The following CAMK1D variants were observed in gnomAD, a reference collection of about 807,000 sequenced individuals.
The protein encoded by CAMK1D is calcium/calmodulin dependent protein kinase ID.
In CAMK1D, 9 loss-of-function variants were observed where a neutral mutation model predicts 47.7. The ratio of observed to expected loss-of-function variants is 0.19; its 90% CI spans 0.11 to 0.33. CAMK1D has a LOEUF of 0.33. Ranked by LOEUF, CAMK1D falls within the 10% of genes least tolerant of loss-of-function variation. CAMK1D has a pLI of 1.00. For synonymous variants in CAMK1D, 184 were observed against 184.9 expected (o/e 0.99, Z 0.04); for missense variants, 291 against 488.7 (o/e 0.60, Z 3.81).
chr10:12,762,809 C>A (rs373145054), intron 4 of CAMK1D, among the ~76,000 whole-genome samples: 1 of 152,178 alleles, frequency 6.6e-6, no homozygotes, highest in Admixed American at 6.5e-5. Context: ...GGGGCTAGCT[C>A]AGCCGACCTG....
At position 12,733,020 on chromosome 10, in the gene CAMK1D, C is replaced by T. The variant is rs192738740; in HGVS notation, c.300-27928C>T. On this transcript the variant is annotated intron_variant, in intron 3 of 10. Coordinates refer to ENST00000619168, the MANE Select transcript of CAMK1D (RefSeq NM_153498.4). Reference sequence around the variant, plus strand: ...AGATAATGTACAAAAAAATGTTAAGCATGCTTCCCAGCATATAGCAATTAC... The same window carrying T: ...AGATAATGTACAAAAAAATGTTAAGTATGCTTCCCAGCATATAGCAATTAC... Among the ~76,000 whole-genome samples the T allele has an allele frequency of 2.0e-3, 302 of 152,316 alleles. 2 individuals carry two copies. Among genetic ancestry groups the T allele is most frequent in the African/African-American group, 6.8e-3 (281 of 41,566 alleles).
At chr10:12,773,769 C>G (rs1305218610) in intron 5 of CAMK1D, among the ~76,000 whole-genome samples, 4 of 152,174 alleles carry the variant, frequency 2.6e-5, no homozygotes, top group Non-Finnish European at 5.9e-5. Flanking sequence ...TGGCAGGCGC[C>G]TGTAATCCCA....
In CAMK1D at chr10:12,693,712, C is replaced by T. The variant is rs114692604; in HGVS notation, c.299+26902C>T. Reference sequence around the variant, plus strand: ...TTTCATACACAAAACTGTAATATTTCCAGCCTGCTGGCTTATCCTAGAGGT... The same window carrying T: ...TTTCATACACAAAACTGTAATATTTTCAGCCTGCTGGCTTATCCTAGAGGT... On this transcript the variant is annotated intron_variant, in intron 3 of 10. Transcript: ENST00000619168. Among the ~76,000 whole-genome samples the T allele has an allele frequency of 2.2e-3, 325 of 150,668 alleles. 2 individuals carry two copies. Among genetic ancestry groups the T allele is most frequent in the African/African-American group, 6.8e-3 (278 of 40,990 alleles).
intron 1 of CAMK1D, among the ~76,000 whole-genome samples, chr10:12,393,945 G>T (rs1277412292): frequency 6.6e-6 from 1 of 152,178 alleles, no homozygotes; most frequent in Non-Finnish European, 1.5e-5. Flanking sequence ...CTGTGACACT[G>T]ACTATGTGCA....
intron 5 of CAMK1D, among the ~76,000 whole-genome samples, chr10:12,776,746 T>C (rs142826025): frequency 6.6e-6 from 1 of 152,298 alleles, no homozygotes; most frequent in East Asian, 1.9e-4. Context: ...TTCTTTGCTG[T>C]TAGGAAAGCT....
At chr10:12,658,334 G>A (rs936293026) in intron 2 of CAMK1D, among the ~76,000 whole-genome samples, 4 of 151,996 alleles carry the variant, frequency 2.6e-5, no homozygotes, top group African/African-American at 9.7e-5. Flanking sequence ...GGGAGGGCGG[G>A]GTGTGCGAGA....
At chr10:12,735,169 A>G (rs1588866063) in intron 3 of CAMK1D, among the ~76,000 whole-genome samples, 1 of 152,156 alleles carries the variant, frequency 6.6e-6, no homozygotes, top group Non-Finnish European at 1.5e-5. Flanking sequence ...CGTTTTACAG[A>G]TGTGAGTTTA....
At chr10:12,561,530 C>G (rs926661408) in intron 2 of CAMK1D, among the ~76,000 whole-genome samples, 4 of 152,096 alleles carry the variant, frequency 2.6e-5, no homozygotes, top group Non-Finnish European at 5.9e-5. Context: ...CATACCTACA[C>G]TTTCGTATTC....
At chr10:12,808,236 T>C (rs1832447923) in intron 6 of CAMK1D, among the ~76,000 whole-genome samples, 1 of 152,222 alleles carries the variant, frequency 6.6e-6, no homozygotes. Flanking sequence ...GAATAGCCTC[T>C]GCAGATTTCT....
intron 1 of CAMK1D, among the ~76,000 whole-genome samples, chr10:12,529,191 A>G (rs2132216168): frequency 6.6e-6 from 1 of 152,300 alleles, no homozygotes; most frequent in East Asian, 1.9e-4. Flanking sequence ...AGATGTCCCA[A>G]GCACCCCGCG....
At chr10:12,530,617 G>T (rs1449848732) in intron 1 of CAMK1D, among the ~76,000 whole-genome samples, 1 of 152,170 alleles carries the variant, frequency 6.6e-6, no homozygotes, top group African/African-American at 2.4e-5. Flanking sequence ...GAATTGACGG[G>T]GATTCCAGGA....
intron 1 of CAMK1D, among the ~76,000 whole-genome samples, chr10:12,459,590 A>G (rs1405811507): frequency 6.6e-6 from 1 of 152,188 alleles, no homozygotes; most frequent in Non-Finnish European, 1.5e-5. Context: ...TGAGAATCCC[A>G]GGGCGATAGC....
At chr10:12,596,689 C>CA (rs552124630) in intron 2 of CAMK1D, among the ~76,000 whole-genome samples, 1 of 152,036 alleles carries the variant, frequency 6.6e-6, no homozygotes, top group Admixed American at 6.5e-5. Context: ...TCCCTACCCT[C>CA]AAAGATTTGG....
At chr10:12,719,694 C>A (rs1420246072) in intron 3 of CAMK1D, among the ~76,000 whole-genome samples, 1 of 152,222 alleles carries the variant, frequency 6.6e-6, no homozygotes, top group Non-Finnish European at 1.5e-5. Flanking sequence ...AGTGCCAGCA[C>A]TGAACCACTG....
intron 3 of CAMK1D, among the ~76,000 whole-genome samples, chr10:12,694,914 A>G (rs1380122342): frequency 6.6e-6 from 1 of 152,070 alleles, no homozygotes; most frequent in Admixed American, 6.6e-5. Context: ...CTAAACTGTC[A>G]TGGATGTGTA....
intron 1 of CAMK1D, among the ~76,000 whole-genome samples, chr10:12,478,481 A>G (rs1024490567): frequency 2.0e-5 from 3 of 148,262 alleles, no homozygotes; most frequent in Non-Finnish European, 4.5e-5. Context: ...TTTTTTTTCT[A>G]TTTTTTGTAG....
rs147693042 is a variant in CAMK1D, at chr10:12,808,163, G to A, written c.642-6032G>A. 2.5e-3 allele frequency among the ~76,000 whole-genome samples: 386 copies of A among 152,300 alleles called. 3 individuals carry two copies. The highest frequency in any genetic ancestry group is 4.9e-3 in the Non-Finnish European group (334 of 68,022). ...ATTCCTGCTTATCCCCTGAGATAGG[G>A]CATAGGCATCCACTTCCTCCACTCC... On this transcript the variant is annotated intron_variant, in intron 6 of 10. Coordinates refer to ENST00000619168, the MANE Select transcript of CAMK1D (RefSeq NM_153498.4).
chr10:12,749,955 C>T (rs1444210656), intron 3 of CAMK1D, among the ~76,000 whole-genome samples: 1 of 152,096 alleles, frequency 6.6e-6, no homozygotes, highest in African/African-American at 2.4e-5. Flanking sequence ...GTTCTATTCT[C>T]GGGTTGCAGC....
At chr10:12,726,145 G>C (rs886310644) in intron 3 of CAMK1D, among the ~76,000 whole-genome samples, 1 of 151,966 alleles carries the variant, frequency 6.6e-6, no homozygotes. Flanking sequence ...GGAATACTGG[G>C]CCGGGTGCAG....
Sources: gnomAD v4.1 joint callset for allele counts (sites outside exome capture counted in the v4.1 genomes callset) on GRCh38, gnomAD v4.1.1 for gene constraint, MANE v1.5 for transcripts, NCBI Gene and HGNC (gene_info 2026-07-23, HGNC 2026-07-21) for gene names.